Variants in OSBPL6 observed in about 807,000 individuals in gnomAD.
OSBPL6 encodes oxysterol binding protein like 6, also known as oxysterol-binding protein-related protein 6.
In OSBPL6, 49 loss-of-function variants were observed where a neutral mutation model predicts 125.8. That is an observed-to-expected ratio of 0.39 (90% CI 0.31 to 0.49). The LOEUF is 0.49. Ranked by LOEUF, OSBPL6 falls within the 20% of genes least tolerant of loss-of-function variation. The probability of loss-of-function intolerance (pLI) is 0.88; values close to 1 mark genes in which losing one functional copy is unlikely to be tolerated. For synonymous variants in OSBPL6, 394 were observed against 391.8 expected (o/e 1.01, Z -0.07); for missense variants, 986 against 1,135.4 (o/e 0.87, Z 1.89).
chr2:178,239,793 T>C (rs1207978028), intron 1 of OSBPL6, among the ~76,000 whole-genome samples: 1 of 150,906 alleles, frequency 6.6e-6, no homozygotes, highest in East Asian at 1.9e-4. Context: ...GCCCGGCTAA[T>C]TTTTTTTGTA....
At chr2:178,258,693 CA>C (rs1307103667) in intron 1 of OSBPL6, among the ~76,000 whole-genome samples, 2 of 151,500 alleles carry the variant, frequency 1.3e-5, no homozygotes, top group Non-Finnish European at 2.9e-5. Flanking sequence ...TCTGTCTCTC[CA>C]AAAAAAATTC....
At chr2:178,278,492 T>C (rs2092515884) in intron 1 of OSBPL6, among the ~76,000 whole-genome samples, 2 of 152,224 alleles carry the variant, frequency 1.3e-5, no homozygotes, top group Non-Finnish European at 1.5e-5. Flanking sequence ...AACTCTGATA[T>C]GTTATTTCAG....
Position 178,383,076 on chromosome 2 carries a change from C to T in OSBPL6, c.1674C>T (p.Cys558=). The change falls in exon 17 of 25, where the codon TGC becomes TGT. Residue 558 remains cysteine, a synonymous_variant. Transcript: ENST00000190611. The stretch of plus-strand genomic sequence containing the variant: ...CCTTCCGAAATGGGCGTCGAGCATG[C>T]CTGCCAGCTCCTTGTCCTGACACCA... ...GGAFRNGRRA[C]LPAPCPDTSN... is the part of the protein sequence containing the mutation. The T allele has an allele frequency of 6.2e-7, 1 of 1,614,200 alleles. No homozygotes were observed. The highest frequency in any genetic ancestry group is 8.5e-7 in the Non-Finnish European group (1 of 1,180,028).
At position 178,323,859 on chromosome 2, in the gene OSBPL6, A is replaced by C. The variant is rs58242546; in HGVS notation, c.103-318A>C. ...TTTCTATGTAAGCCTGATTAGTCTA[A>C]GTAGAAGGTGTGTCTTTGTCATAAA... On this transcript the variant is annotated intron_variant, in intron 3 of 24. Coordinates refer to ENST00000190611, the MANE Select transcript of OSBPL6 (RefSeq NM_032523.4). 8.9e-3 allele frequency: 1,642 copies of C among 183,588 alleles called. 32 individuals are homozygous for C. The highest frequency in any genetic ancestry group is 0.036 in the African/African-American group (1,566 of 42,952). 11.4% of individuals were successfully genotyped at this position (183,588 alleles called of 1,614,324 possible).
At chr2:178,324,913 G>T (rs950132223) in intron 4 of OSBPL6, among the ~76,000 whole-genome samples, 2 of 152,168 alleles carry the variant, frequency 1.3e-5, no homozygotes, top group Non-Finnish European at 2.9e-5. Flanking sequence ...TAGAACCTAT[G>T]CGGAGGGACT....
intron 1 of OSBPL6, among the ~76,000 whole-genome samples, chr2:178,199,349 T>C (rs2089105785): frequency 6.6e-6 from 1 of 152,180 alleles, no homozygotes; most frequent in Non-Finnish European, 1.5e-5. Context: ...ACCCCTACCA[T>C]TACTCTTTCT....
At chr2:178,378,564 T>C (rs553317313) in intron 15 of OSBPL6, among the ~76,000 whole-genome samples, 3 of 152,372 alleles carry the variant, frequency 2.0e-5, no homozygotes, top group East Asian at 3.9e-4. Flanking sequence ...GCTGCATGCC[T>C]GGTCACATTT....
At chr2:178,248,694 T>G (rs1436713176) in intron 1 of OSBPL6, among the ~76,000 whole-genome samples, 7 of 152,212 alleles carry the variant, frequency 4.6e-5, no homozygotes, top group Admixed American at 4.6e-4. Context: ...CTGACCTTTT[T>G]GTTTGGGGAT....
At chr2:178,344,305 G>A in intron 11 of OSBPL6, 1 of 1,614,082 alleles carries the variant, frequency 6.2e-7, no homozygotes, top group Non-Finnish European at 8.5e-7. Flanking sequence ...CCCGCGAAGG[G>A]CCAGTTCAGC....
intron 1 of OSBPL6, among the ~76,000 whole-genome samples, chr2:178,280,569 C>A (rs182682130): frequency 1.2e-4 from 18 of 152,288 alleles, no homozygotes; most frequent in Admixed American, 9.2e-4. Context: ...AAGCCAAAAC[C>A]TCTGTTCTTT....
chr2:178,288,697 G>A (rs1325687568), intron 2 of OSBPL6, among the ~76,000 whole-genome samples: 4 of 151,300 alleles, frequency 2.6e-5, no homozygotes, highest in African/African-American at 9.7e-5. Context: ...TGCCTAGGCT[G>A]GAATGCAGTG....
chr2:178,392,278 T>C, intron 22 of OSBPL6, 134 bp from the exon 23 acceptor site: 1 of 1,083,674 alleles, frequency 9.2e-7, no homozygotes, highest in Non-Finnish European at 1.3e-6. Context: ...TTAATTCACT[T>C]GAAAAAATCT....
chr2:178,368,273 G>A (rs1246323486), intron 13 of OSBPL6, among the ~76,000 whole-genome samples: 2 of 152,174 alleles, frequency 1.3e-5, no homozygotes, highest in African/African-American at 4.8e-5. Flanking sequence ...AAGGCAAAAG[G>A]GGGAGGATGC....
intron 2 of OSBPL6, among the ~76,000 whole-genome samples, chr2:178,300,060 A>G (rs958857316): frequency 2.0e-5 from 3 of 152,250 alleles, no homozygotes; most frequent in Non-Finnish European, 2.9e-5. Flanking sequence ...AGAATAATAC[A>G]ATGTCAAACT....
intron 1 of OSBPL6, among the ~76,000 whole-genome samples, chr2:178,245,271 A>G (rs2091448338): frequency 6.6e-6 from 1 of 152,208 alleles, no homozygotes; most frequent in African/African-American, 2.4e-5. Context: ...ATTTTTTAAA[A>G]AAATCATTGA....
At chr2:178,237,247 G>T (rs182520303) in intron 1 of OSBPL6, among the ~76,000 whole-genome samples, 4 of 152,168 alleles carry the variant, frequency 2.6e-5, no homozygotes, top group Admixed American at 2.6e-4. Context: ...TGTTTTCCTC[G>T]CCAAGACCCT....
chr2:178,253,716 T>C (rs1051497403), intron 1 of OSBPL6, among the ~76,000 whole-genome samples: 1 of 152,208 alleles, frequency 6.6e-6, no homozygotes, highest in African/African-American at 2.4e-5. Flanking sequence ...ATTTTACCTA[T>C]CATTGTAGTG....
At chr2:178,375,968 G>T (rs1191786468) in intron 15 of OSBPL6, among the ~76,000 whole-genome samples, 1 of 152,136 alleles carries the variant, frequency 6.6e-6, no homozygotes, top group East Asian at 1.9e-4. Context: ...GACAGGTGAG[G>T]GGTTGGGGAG....
At chr2:178,214,414 A>T (rs1164965549) in intron 1 of OSBPL6, among the ~76,000 whole-genome samples, 1 of 152,202 alleles carries the variant, frequency 6.6e-6, no homozygotes, top group Non-Finnish European at 1.5e-5. Flanking sequence ...TTTATTGCAC[A>T]CATTGGCTTG....
Sources: gnomAD v4.1 joint callset for allele counts (sites outside exome capture counted in the v4.1 genomes callset) on GRCh38, gnomAD v4.1.1 for gene constraint, MANE v1.5 for transcripts, NCBI Gene and HGNC (gene_info 2026-07-23, HGNC 2026-07-21) for gene names.